The following BCAS1 variants were observed in gnomAD, a reference collection of about 807,000 sequenced individuals.
BCAS1 encodes the protein breast carcinoma-amplified sequence 1.
Under a neutral mutation model 65.4 loss-of-function variants are expected in BCAS1, and 46 were observed. The observed-to-expected ratio is 0.70, with a 90% confidence interval of 0.55 to 0.90. BCAS1 has a LOEUF of 0.90. Ranked by LOEUF, BCAS1 falls within the 40% of genes least tolerant of loss-of-function variation. BCAS1 has a pLI of 0.00. For synonymous variants in BCAS1, 298 were observed against 293.5 expected (o/e 1.02, Z -0.16); for missense variants, 793 against 771.2 (o/e 1.03, Z -0.33).
intron 9 of BCAS1, 61 bp from the exon 10 acceptor site, chr20:53,967,134 T>A: frequency 1.3e-6 from 2 of 1,581,842 alleles, no homozygotes; most frequent in Non-Finnish European, 1.7e-6. Context: ...AAAACATGTT[T>A]TACAAAGTGG....
At position 53,966,872 on chromosome 20, in the gene BCAS1, C is replaced by A. The variant is rs900490922; in HGVS notation, c.1485+34G>T. ...TGTTCCCAGAAGCCGCTCTAGGTAT[C>A]TTAGGTTTCCTATACTGGAAGTAAG... is the stretch of plus-strand genomic sequence containing the variant. On this transcript the variant is annotated intron_variant, in intron 10 of 12. Coordinates refer to ENST00000688948, the MANE Select transcript of BCAS1 (RefSeq NM_001366298.2). 3.2e-6 allele frequency: 5 copies of A among 1,568,628 alleles called. No individual in the cohort carries two copies. In the Admixed American group the frequency reaches 9.9e-5, roughly 31 times the overall value.
chr20:54,011,233 A>C (rs938617757), intron 4 of BCAS1, among the ~76,000 whole-genome samples: 5 of 152,172 alleles, frequency 3.3e-5, no homozygotes, highest in Non-Finnish European at 5.9e-5. Flanking sequence ...ATAAATTGGA[A>C]TTCATCAAAA....
chr20:54,055,310 A>G (rs968804286), intron 3 of BCAS1, among the ~76,000 whole-genome samples: 1 of 152,232 alleles, frequency 6.6e-6, no homozygotes, highest in Non-Finnish European at 1.5e-5. Context: ...CATATCTGAG[A>G]CTAGGAAGAA....
At chr20:54,006,423 G>C (rs1380694376) in intron 4 of BCAS1, among the ~76,000 whole-genome samples, 4 of 152,040 alleles carry the variant, frequency 2.6e-5, no homozygotes, top group African/African-American at 9.7e-5. Flanking sequence ...TTTAAAGTTG[G>C]ATTGGGCTGG....
chr20:53,962,225 T>C (rs542174147), intron 10 of BCAS1, among the ~76,000 whole-genome samples: 7 of 152,230 alleles, frequency 4.6e-5, no homozygotes, highest in Non-Finnish European at 1.0e-4. Flanking sequence ...CCACCTCCAA[T>C]AGTACATTTC....
chr20:53,960,107 T>C (rs2089829716), intron 10 of BCAS1, among the ~76,000 whole-genome samples: 1 of 152,116 alleles, frequency 6.6e-6, no homozygotes, highest in Admixed American at 6.5e-5. Context: ...TTTGGGAATG[T>C]TGAGCAGCAA....
intron 3 of BCAS1, among the ~76,000 whole-genome samples, chr20:54,046,680 AC>A (rs1246683103): frequency 1.3e-5 from 2 of 151,654 alleles, no homozygotes; most frequent in Non-Finnish European, 2.9e-5. Context: ...ACCAGTCTGT[AC>A]TAAAAATACA....
chr20:53,953,762 A>G (rs2089607795), intron 11 of BCAS1, 67 bp from the exon 12 acceptor site: 1 of 1,516,432 alleles, frequency 6.6e-7, no homozygotes, highest in Admixed American at 2.0e-5. Context: ...CAAGGGAATA[A>G]ATATGTTAAA....
chr20:54,066,364 G>A (rs1216456375), intron 1 of BCAS1, among the ~76,000 whole-genome samples: 1 of 152,214 alleles, frequency 6.6e-6, no homozygotes, highest in Admixed American at 6.5e-5. Context: ...GAGCCACCGG[G>A]CCCGGCCGAG....
At chr20:53,955,266 G>C (rs1175778819) in intron 11 of BCAS1, among the ~76,000 whole-genome samples, 2 of 152,204 alleles carry the variant, frequency 1.3e-5, no homozygotes, top group Non-Finnish European at 2.9e-5. Flanking sequence ...CTTGGAGAAA[G>C]AAGCAACAGG....
chr20:53,954,299 GAGA>G (rs2089630109), intron 11 of BCAS1, among the ~76,000 whole-genome samples: 2 of 36,780 alleles, frequency 5.4e-5, no homozygotes, highest in Admixed American at 2.4e-4. Context: ...GAAATGGAGA[GAGA>G]GAGAGAGAGA....
chr20:53,970,823 C>T (rs2090160629), intron 9 of BCAS1, among the ~76,000 whole-genome samples: 1 of 152,134 alleles, frequency 6.6e-6, no homozygotes, highest in Non-Finnish European at 1.5e-5. Context: ...ACTTCATGCA[C>T]AACGTCATAT....
intron 4 of BCAS1, among the ~76,000 whole-genome samples, chr20:54,006,600 C>T (rs530620663): frequency 4.0e-5 from 6 of 151,804 alleles, no homozygotes; most frequent in Admixed American, 3.3e-4. Context: ...ATCCCAGCTA[C>T]GGTGGAGGCT....
At chr20:53,999,365 A>C (rs2145875313) in intron 4 of BCAS1, among the ~76,000 whole-genome samples, 1 of 152,346 alleles carries the variant, frequency 6.6e-6, no homozygotes, top group Non-Finnish European at 1.5e-5. Context: ...AAGATTGTGC[A>C]AGGCAAATTA....
intron 4 of BCAS1, among the ~76,000 whole-genome samples, chr20:54,006,507 C>A (rs908767623): frequency 6.6e-6 from 1 of 152,072 alleles, no homozygotes; most frequent in African/African-American, 2.4e-5. Context: ...GTCAGGTGTT[C>A]AAGACCAGCC....
Position 53,990,124 on chromosome 20 carries a change from C to T in BCAS1, c.1062+2388G>A, listed in dbSNP as rs2090718370. Among the ~76,000 whole-genome samples the T allele has an allele frequency of 2.6e-5, 4 of 152,158 alleles. No homozygotes were observed. In the South Asian group the frequency reaches 8.3e-4, roughly 32 times the overall value. On this transcript the variant is annotated intron_variant, in intron 7 of 12. Transcript: ENST00000688948. Reference sequence around the variant, plus strand: ...AAGATGTAAACACTACACCAAGAACCAAAAACAATGAATGAATGGTAGAGC... The same window carrying T: ...AAGATGTAAACACTACACCAAGAACTAAAAACAATGAATGAATGGTAGAGC...
rs374977312 is a variant in BCAS1 at position 53,961,960 on chromosome 20, A to G, written c.1486-4463T>C. ...ATACTGCGTGCAAAGTGCCTAGCAG[A>G]CAATAAATAAACGGTAGCTCTCATT... On this transcript the variant is annotated intron_variant, in intron 10 of 12. Transcript: ENST00000688948. Among the ~76,000 whole-genome samples, 7 of 152,224 alleles carry G rather than the reference A, an allele frequency of 4.6e-5. No individual in the cohort carries two copies. The South Asian group carries it at 1.0e-3, about 23-fold the overall frequency.
intron 3 of BCAS1, among the ~76,000 whole-genome samples, chr20:54,041,909 C>CAAAAAAAAAAAA (rs796435949): frequency 6.3e-5 from 5 of 79,784 alleles, no homozygotes; most frequent in African/African-American, 1.1e-4. Flanking sequence ...CTGTCTCCCC[C>CAAAAAAAAAAAA]AAAAAAAAAA....
At chr20:53,986,255 CCTTT>C (rs1220302244) in intron 7 of BCAS1, among the ~76,000 whole-genome samples, 1 of 152,146 alleles carries the variant, frequency 6.6e-6, no homozygotes, top group African/African-American at 2.4e-5. Context: ...GTCCGTATCT[CCTTT>C]CTCTCTTTCT....
Sources: allele counts gnomAD v4.1 joint callset (sites outside exome capture counted in the v4.1 genomes callset), GRCh38; gene constraint gnomAD v4.1.1; transcripts MANE v1.5; gene names NCBI Gene and HGNC (gene_info 2026-07-23, HGNC 2026-07-21).